RARB: variants seen among roughly 807,000 people sequenced by gnomAD.
RARB encodes HBV-activated protein.
RARB carries 17 observed loss-of-function variants against 51.9 expected under a neutral mutation model. The observed-to-expected ratio is 0.33, with a 90% confidence interval of 0.22 to 0.49. The LOEUF (loss-of-function observed/expected upper bound fraction) is 0.49, where lower values mean the gene tolerates loss of function less well. Ranked by LOEUF, RARB falls within the 20% of genes least tolerant of loss-of-function variation. The probability of loss-of-function intolerance (pLI) is 0.99; values close to 1 mark genes in which losing one functional copy is unlikely to be tolerated. For missense variants in RARB, 369 were observed against 550.8 expected, an observed-to-expected ratio of 0.67 and a Z score of 3.30; for synonymous variants, 215 against 195.4, an observed-to-expected ratio of 1.10 and a Z score of -0.84.
At chr3:25,511,396 G>T (rs916496318) in intron 3 of RARB, among the ~76,000 whole-genome samples, 1 of 152,116 alleles carries the variant, frequency 6.6e-6, no homozygotes, top group African/African-American at 2.4e-5. Context: ...CTCCCAAAGT[G>T]CTGGGATTAC....
chr3:25,084,852 A>T (rs890899762), intron 3 of RARB, among the ~76,000 whole-genome samples: 1 of 152,042 alleles, frequency 6.6e-6, no homozygotes, highest in Non-Finnish European at 1.5e-5. Flanking sequence ...TATTTTGAGT[A>T]CATTTTAAAA....
At chr3:25,434,894 A>G (rs181448732) in intron 1 of RARB, among the ~76,000 whole-genome samples, 2 of 152,162 alleles carry the variant, frequency 1.3e-5, no homozygotes, top group Admixed American at 1.3e-4. Flanking sequence ...TCAGATGACA[A>G]CATTGCTAAA....
intron 5 of RARB, among the ~76,000 whole-genome samples, chr3:25,203,312 A>AG (rs1454892165): frequency 6.6e-6 from 1 of 151,924 alleles, no homozygotes; most frequent in African/African-American, 2.4e-5. Flanking sequence ...CTTAATTTTG[A>AG]GGCTATGTGT....
chr3:25,204,426 G>A (rs142189227), intron 5 of RARB, among the ~76,000 whole-genome samples: 139 of 152,256 alleles, frequency 9.1e-4, no homozygotes, highest in African/African-American at 3.2e-3. Context: ...CTCTCAACTC[G>A]TCAAAGTTAT....
chr3:25,272,160 T>C (rs1035491154), intron 5 of RARB, among the ~76,000 whole-genome samples: 2 of 152,240 alleles, frequency 1.3e-5, no homozygotes, highest in East Asian at 3.8e-4. Flanking sequence ...GAAAATTCTA[T>C]GGACAGTGTT....
At chr3:25,195,811 G>A (rs1444407713) in intron 5 of RARB, among the ~76,000 whole-genome samples, 1 of 151,946 alleles carries the variant, frequency 6.6e-6, no homozygotes, top group Non-Finnish European at 1.5e-5. Flanking sequence ...CATGTCTTGA[G>A]TGATAAAATA....
chr3:24,895,061 A>G (rs917455396), intron 2 of RARB, among the ~76,000 whole-genome samples: 2 of 152,222 alleles, frequency 1.3e-5, no homozygotes, highest in African/African-American at 4.8e-5. Context: ...TATAAGACTT[A>G]ATCTGTTTTA....
At chr3:25,419,290 C>T (rs961164432) in intron 5 of RARB, among the ~76,000 whole-genome samples, 1 of 152,082 alleles carries the variant, frequency 6.6e-6, no homozygotes, top group Non-Finnish European at 1.5e-5. Context: ...CTCAGAGTGA[C>T]CTCCCTGTTC....
chr3:25,080,604 A>G (rs751216314), intron 3 of RARB, among the ~76,000 whole-genome samples: 3 of 152,168 alleles, frequency 2.0e-5, no homozygotes, highest in Non-Finnish European at 2.9e-5. Flanking sequence ...GAATTTAGCC[A>G]TCCTACTTGG....
At chr3:25,209,005 G>A (rs1701629964) in intron 5 of RARB, among the ~76,000 whole-genome samples, 1 of 152,210 alleles carries the variant, frequency 6.6e-6, no homozygotes, top group African/African-American at 2.4e-5. Context: ...ATGAAGCATG[G>A]CTCCCTGTGT....
intron 2 of RARB, among the ~76,000 whole-genome samples, chr3:24,905,767 C>T (rs1035756251): frequency 6.6e-6 from 1 of 152,164 alleles, no homozygotes; most frequent in Non-Finnish European, 1.5e-5. Flanking sequence ...TGAGCAGTTG[C>T]ACTGGCTAAG....
chr3:25,186,885 CTGTGTGTGTGTGTGTGTGTGTGTGTGTG>C (rs71057702), intron 5 of RARB, among the ~76,000 whole-genome samples: 7 of 114,218 alleles, frequency 6.1e-5, no homozygotes, highest in African/African-American at 1.3e-4. Context: ...AAAGGTAAGC[CTGTGTGTGTGTGTGTGTGTGTGTGTGTG>C]TGTGTGTGTG....
At chr3:24,955,364 C>G (rs1695990801) in intron 2 of RARB, among the ~76,000 whole-genome samples, 1 of 151,934 alleles carries the variant, frequency 6.6e-6, no homozygotes, top group Non-Finnish European at 1.5e-5. Flanking sequence ...TATATAAACA[C>G]AGCACAGGGG....
At chr3:25,324,561 G>T in intron 5 of RARB, 1 of 164,082 alleles carries the variant, frequency 6.1e-6, no homozygotes, top group South Asian at 1.8e-4. Context: ...GATCAAGCAT[G>T]AATTACAAGC....
At chr3:25,066,224 T>C (rs1412824008) in intron 3 of RARB, among the ~76,000 whole-genome samples, 2 of 149,198 alleles carry the variant, frequency 1.3e-5, no homozygotes, top group African/African-American at 2.4e-5. Context: ...ATTTCTCCAA[T>C]GTAATATTCA....
At position 25,263,449 on chromosome 3, in the gene RARB, A is replaced by G. The variant is rs116261352; in HGVS notation, c.178+88874A>G. 4.0e-3 allele frequency among the ~76,000 whole-genome samples: 606 copies of G among 152,264 alleles called. 3 individuals carry two copies. Among genetic ancestry groups the G allele is most frequent in the African/African-American group, 0.014 (580 of 41,560 alleles). On this transcript the variant is annotated intron_variant, in intron 5 of 11. Coordinates refer to the RARB transcript ENST00000383772. ...AACCCAAACAATCCCTTCTGTGACC[A>G]GTCTACTTAAATGAGAGGCCACTAT...
At chr3:25,032,627 A>G (rs1006668318) in intron 2 of RARB, among the ~76,000 whole-genome samples, 2 of 152,204 alleles carry the variant, frequency 1.3e-5, no homozygotes, top group Non-Finnish European at 2.9e-5. Context: ...TTCAAAATAC[A>G]TAGCACTGGT....
Position 25,285,163 on chromosome 3 carries a change from T to G in RARB, c.178+110588T>G, listed in dbSNP as rs527318287. Among the ~76,000 whole-genome samples, 6 of 152,286 alleles carry G rather than the reference T, an allele frequency of 3.9e-5. No homozygotes were observed. In the East Asian group the frequency reaches 1.2e-3, roughly 29 times the overall value. On this transcript the variant is annotated intron_variant, in intron 5 of 11. Transcript: ENST00000383772. ...CAACAGTGAATATATAATTAAAACC[T>G]GAGATGAGTTTTCTGAAGTAAAGAA...
At chr3:25,138,930 C>T (rs960600424) in intron 4 of RARB, among the ~76,000 whole-genome samples, 10 of 152,272 alleles carry the variant, frequency 6.6e-5, no homozygotes, top group African/African-American at 2.2e-4. Flanking sequence ...CTTCCTGTCT[C>T]TGTCACAAAT....
Sources: gnomAD v4.1 joint callset for allele counts (sites outside exome capture counted in the v4.1 genomes callset) on GRCh38, gnomAD v4.1.1 for gene constraint, MANE v1.5 for transcripts, NCBI Gene and HGNC (gene_info 2026-07-23, HGNC 2026-07-21) for gene names.